The following TASP1 variants were observed in gnomAD, a reference collection of about 807,000 sequenced individuals.
The protein encoded by TASP1 is threonine aspartase 1.
In TASP1, 16 loss-of-function variants were observed where a neutral mutation model predicts 56.6. The ratio of observed to expected loss-of-function variants is 0.28; its 90% CI spans 0.19 to 0.43. The LOEUF is 0.43. TASP1 is among the 20% of genes least tolerant of loss of function. The pLI is 1.00. For synonymous variants in TASP1, 179 were observed against 184.2 expected (o/e 0.97, Z 0.23); for missense variants, 393 against 511.6 (o/e 0.77, Z 2.24).
rs114403129 is a variant in TASP1, at chr20:13,626,487, A to C, written c.146-1235T>G. Among the ~76,000 whole-genome samples the C allele has an allele frequency of 2.0e-3, 299 of 152,306 alleles. 1 individual carries two copies. The highest frequency in any genetic ancestry group is 7.0e-3 in the African/African-American group (293 of 41,580). On this transcript the variant is annotated intron_variant, in intron 2 of 13. Coordinates refer to ENST00000337743, the MANE Select transcript of TASP1 (RefSeq NM_017714.3). ...TAAAAAAGACAAAAACAGAAAAGCT[A>C]CATCTCTAGGCCTTAGGATTCCTAC...
the TASP1 span, among the ~76,000 whole-genome samples, chr20:13,297,638 C>T: frequency 6.6e-6 from 1 of 152,204 alleles, no homozygotes; most frequent in Non-Finnish European, 1.5e-5. Context: ...CGGCCCTGTC[C>T]ATGGAGGGGT....
the TASP1 span, among the ~76,000 whole-genome samples, chr20:13,289,556 C>T: frequency 3.9e-5 from 6 of 151,932 alleles, no homozygotes; most frequent in Non-Finnish European, 5.9e-5. Context: ...AGGTCTGGCT[C>T]GAGACCTGTT....
the TASP1 span, among the ~76,000 whole-genome samples, chr20:13,274,538 C>T: frequency 2.6e-5 from 4 of 152,160 alleles, no homozygotes; most frequent in South Asian, 2.1e-4. Context: ...CCTTCCCCTC[C>T]GCACCTCCCC....
At chr20:13,505,298 CAATAAAAT>C (rs1361915010) in intron 10 of TASP1, among the ~76,000 whole-genome samples, 1 of 152,004 alleles carries the variant, frequency 6.6e-6, no homozygotes, top group Non-Finnish European at 1.5e-5. Flanking sequence ...GGACAGATAG[CAATAAAAT>C]AATAGTAGAG....
chr20:13,497,544 G>C (rs2043778289), intron 10 of TASP1, among the ~76,000 whole-genome samples: 1 of 152,186 alleles, frequency 6.6e-6, no homozygotes, highest in Admixed American at 6.5e-5. Context: ...TCTATAAATA[G>C]ATAAATAGAT....
chr20:13,281,930 G>A, the TASP1 span, among the ~76,000 whole-genome samples: 1 of 152,134 alleles, frequency 6.6e-6, no homozygotes, highest in Non-Finnish European at 1.5e-5. Context: ...TTATGTACCA[G>A]TAGTCCTCAA....
the TASP1 span, among the ~76,000 whole-genome samples, chr20:13,328,820 G>GA: frequency 1.2e-4 from 13 of 110,370 alleles, no homozygotes; most frequent in Non-Finnish European, 1.6e-4. Context: ...TGGGGGGAGG[G>GA]AGAGCATCAG....
intron 4 of TASP1, among the ~76,000 whole-genome samples, chr20:13,613,502 C>T (rs2048420211): frequency 6.6e-6 from 1 of 151,972 alleles, no homozygotes; most frequent in South Asian, 2.1e-4. Flanking sequence ...CAGATATTTG[C>T]AAATTCATTT....
At chr20:13,397,946 C>T (rs1293463805) in intron 13 of TASP1, among the ~76,000 whole-genome samples, 1 of 152,132 alleles carries the variant, frequency 6.6e-6, no homozygotes, top group Non-Finnish European at 1.5e-5. Flanking sequence ...GTCTTTTCCT[C>T]TTCATAGGGA....
intron 12 of TASP1, among the ~76,000 whole-genome samples, chr20:13,426,312 C>A (rs1401372340): frequency 6.6e-6 from 1 of 152,114 alleles, no homozygotes; most frequent in Non-Finnish European, 1.5e-5. Flanking sequence ...CTCTATTATC[C>A]TTTGAGCAGA....
the TASP1 span, among the ~76,000 whole-genome samples, chr20:13,163,987 T>C: frequency 6.6e-6 from 1 of 152,174 alleles, no homozygotes; most frequent in South Asian, 2.1e-4. Context: ...ATGTGCCATG[T>C]TGGTGTGCTG....
chr20:13,161,662 T>C, the TASP1 span, among the ~76,000 whole-genome samples: 2 of 152,208 alleles, frequency 1.3e-5, no homozygotes, highest in Non-Finnish European at 2.9e-5. Context: ...GCAGGAAGTT[T>C]AAATGCAGTG....
chr20:13,518,243 CA>C (rs1287430730), intron 10 of TASP1, among the ~76,000 whole-genome samples: 2 of 152,016 alleles, frequency 1.3e-5, no homozygotes, highest in African/African-American at 2.4e-5. Context: ...TCAGCCTGCC[CA>C]ACAAGGCAGA....
At chr20:13,301,817 G>A in the TASP1 span, among the ~76,000 whole-genome samples, 1 of 152,068 alleles carries the variant, frequency 6.6e-6, no homozygotes, top group Non-Finnish European at 1.5e-5. Context: ...GCTCAACTGG[G>A]TGATCAGGAG....
At chr20:13,124,789 G>A in the TASP1 span, among the ~76,000 whole-genome samples, 111,971 of 152,008 alleles carry the variant, frequency 0.74, 41,367 homozygotes, top group South Asian at 0.77. Flanking sequence ...TAAGAGAGAT[G>A]GAAAAGTGAT....
chr20:13,587,581 T>C (rs2047354389), intron 4 of TASP1, among the ~76,000 whole-genome samples: 1 of 150,870 alleles, frequency 6.6e-6, no homozygotes, highest in African/African-American at 2.4e-5. Flanking sequence ...CAAAAAAACA[T>C]CAAAGAAATA....
At chr20:13,332,207 C>T in the TASP1 span, among the ~76,000 whole-genome samples, 3 of 152,134 alleles carry the variant, frequency 2.0e-5, no homozygotes, top group Non-Finnish European at 2.9e-5. Flanking sequence ...CTATTAAGAT[C>T]CATACATGTG....
At chr20:13,205,863 A>G in the TASP1 span, among the ~76,000 whole-genome samples, 4 of 152,198 alleles carry the variant, frequency 2.6e-5, no homozygotes, top group African/African-American at 7.2e-5. Flanking sequence ...ACTGGAGCTC[A>G]TCCCCTCTGA....
chr20:13,268,163 T>C, the TASP1 span, among the ~76,000 whole-genome samples: 2 of 149,884 alleles, frequency 1.3e-5, no homozygotes, highest in African/African-American at 4.9e-5. Flanking sequence ...TCCCTTCCCT[T>C]CTCTCCTCTC....
Sources: gnomAD v4.1 joint callset for allele counts (sites outside exome capture counted in the v4.1 genomes callset) on GRCh38, gnomAD v4.1.1 for gene constraint, MANE v1.5 for transcripts, NCBI Gene and HGNC (gene_info 2026-07-23, HGNC 2026-07-21) for gene names.